The following ITGB7 variants were observed in gnomAD, a reference collection of about 807,000 sequenced individuals.
ITGB7 encodes integrin subunit beta 7.
A neutral mutation model predicts 83.4 loss-of-function variants in ITGB7; 55 were observed. The observed-to-expected ratio is 0.66, with a 90% CI of 0.53 to 0.83. The LOEUF (loss-of-function observed/expected upper bound fraction) is 0.83. ITGB7 is among the 40% of genes least tolerant of loss of function. The pLI, the probability that ITGB7 is intolerant of heterozygous loss-of-function variation, is 0.00. For missense variants in ITGB7, 921 were observed against 1,046.7 expected, an observed-to-expected ratio of 0.88 and a Z score of 1.66; for synonymous variants, 454 against 423.6, an observed-to-expected ratio of 1.07 and a Z score of -0.88.
At chr12:53,204,396 A>T (rs1942388044) in intron 1 of ITGB7, among the ~76,000 whole-genome samples, 1 of 152,020 alleles carries the variant, frequency 6.6e-6, no homozygotes. Context: ...AAAAAAAAAA[A>T]TGAAGTACTG....
chr12:53,193,354 AG>A lies in ITGB7; in HGVS notation c.1511del (p.Pro504LeufsTer4), dbSNP rs775798067. ...HLQCGVCSCA[P>X]GRLGRLCECS... ...ACTCACAGAGCCGACCTAGGCGGCC[AG>A]GGGCACAGCTGGAAGGGGAAGGCAA... is the stretch of plus-strand genomic sequence containing the variant. On this transcript the variant is annotated frameshift_variant, in exon 12 of 16. Transcript: ENST00000267082. LOFTEE classifies it high-confidence loss of function. The A allele has an allele frequency of 6.3e-7, 1 of 1,583,582 alleles. No individual in the cohort carries two copies. Among genetic ancestry groups the A allele is most frequent in the Non-Finnish European group, 8.6e-7 (1 of 1,160,842 alleles).
Position 53,192,891 on chromosome 12 carries a change from A to G in ITGB7, c.1746T>C (p.Cys582=). Residue 582 remains cysteine (C), a synonymous_variant, in exon 13 of 16, where the codon TGT becomes TGC. Transcript: ENST00000267082. The part of the protein sequence containing the change: ...ILCGGFGRCQ[C]GVCHCHANRT... ...GGTTGGCATGACAGTGACATACTCC[A>G]CATTGGCAGCGACCAAAGCCTGGGG... The G allele has an allele frequency of 6.2e-7, 1 of 1,614,078 alleles. No individual in the cohort carries two copies. Among genetic ancestry groups the G allele is most frequent in the Non-Finnish European group, 8.5e-7 (1 of 1,179,958 alleles).
At position 53,200,225 on chromosome 12, in the gene ITGB7, C is replaced by T. The variant is rs761866044; in HGVS notation, c.201+18G>A. The T allele has an allele frequency of 2.5e-6, 4 of 1,608,320 alleles. No individual in the cohort carries two copies. Among genetic ancestry groups the T allele is most frequent in the Admixed American group, 1.7e-5 (1 of 59,988 alleles). On this transcript the variant is annotated intron_variant, in intron 3 of 15. Coordinates refer to ENST00000267082, the MANE Select transcript of ITGB7 (RefSeq NM_000889.3). ...CATACACATACACATGGTTCAAAGA[C>T]CATAGGCCCATCTTTACCAGTTGCT...
chr12:53,203,848 A>G (rs1942375995), intron 1 of ITGB7, among the ~76,000 whole-genome samples: 1 of 152,066 alleles, frequency 6.6e-6, no homozygotes, highest in Admixed American at 6.6e-5. Context: ...GTGGAAAACA[A>G]TTTGGTTCCT....
In ITGB7 at chr12:53,200,156, A is replaced by G. The variant is rs942762462; in HGVS notation, c.201+87T>C. On this transcript the variant is annotated intron_variant, in intron 3 of 15. Coordinates refer to ENST00000267082, the MANE Select transcript of ITGB7 (RefSeq NM_000889.3). ...CAGAAAATCATACATGTGCCCACAC[A>G]ATCACACACATATATCCAGGCTGCA... The G allele has an allele frequency of 1.0e-5, 12 of 1,176,026 alleles. No individual in the cohort carries two copies. In the Middle Eastern group the frequency reaches 5.8e-4, roughly 57 times the overall value. 72.8% of individuals were successfully genotyped at this position (1,176,026 alleles called of 1,614,324 possible). A position where few individuals can be genotyped will look rare whatever the true frequency, so the allele number is the denominator to read the frequency against.
rs189661468 is a variant in ITGB7, at chr12:53,196,398, C to T, written c.816+181G>A. ...GCTAGTGGAGGCTTACTTGTGAATT[C>T]GAAAAACATGCCTCCTCCTCAAGAT... On this transcript the variant is annotated intron_variant, in intron 6 of 15. Transcript: ENST00000267082. 2.5e-4 allele frequency: 263 copies of T among 1,043,022 alleles called. 1 individual carries two copies. Among genetic ancestry groups the T allele is most frequent in the Admixed American group, 8.6e-5 (3 of 34,846 alleles). The allele number at this position is 1,043,022 out of a possible 1,614,324, so 64.6% of individuals were successfully genotyped here. A position where few individuals can be genotyped will look rare whatever the true frequency, so the allele number is the denominator to read the frequency against.
At chr12:53,196,500 CTG>C in intron 6 of ITGB7, 77 bp downstream of exon 6, 1 of 1,517,698 alleles carries the variant, frequency 6.6e-7, no homozygotes, top group Non-Finnish European at 8.9e-7. Context: ...CCCCCTAGAA[CTG>C]TGCACTACAC....
At position 53,195,642 on chromosome 12, in the gene ITGB7, G is replaced by A; in HGVS notation, c.1055C>T (p.Ala352Val). ...AGCTCTCACCTGGTAGACAGGCAGT[G>A]CGGCACTGGTGACAGCAAAGATGGG... is the stretch of plus-strand genomic sequence containing the variant. Reference protein sequence around the residue: ...IQPIFAVTSAALPVYQELSKL... With the variant: ...IQPIFAVTSAVLPVYQELSKL... The change falls in exon 8 of 16, where the codon GCA (alanine) becomes GTA (valine). Residue 352 changes from alanine (A) to valine (V), a missense_variant. By Grantham distance (64) the Ala-to-Val change is moderately conservative. Transcript: ENST00000267082. The A allele has an allele frequency of 6.2e-7, 1 of 1,613,980 alleles. No homozygotes were observed. The highest frequency in any genetic ancestry group is 8.5e-7 in the Non-Finnish European group (1 of 1,179,842).
intron 11 of ITGB7, 148 bp downstream of exon 11, chr12:53,193,559 AC>A: frequency 1.3e-6 from 1 of 789,954 alleles, no homozygotes; most frequent in East Asian, 2.7e-5. Context: ...GCCTGGACAT[AC>A]ATGGGAAGCT....
At position 53,196,717 on chromosome 12, in the gene ITGB7, T is replaced by A. The variant is rs756499085; in HGVS notation, c.678A>T (p.Pro226=). ...CPTRLERCQS[P]FSFHHVLSLT... is the part of the protein sequence containing the mutation. ...GGGACAGCACATGGTGAAAGCTGAA[T>A]GGTGACTGGCAGCGCTCCAGCCGGG... is the stretch of plus-strand genomic sequence containing the variant. The change falls in exon 6 of 16, where the codon CCA becomes CCT. Residue 226 remains proline (P), a synonymous_variant. Transcript: ENST00000267082. 4 of 1,613,076 alleles carry A rather than the reference T, an allele frequency of 2.5e-6. No individual in the cohort carries two copies. The African/African-American group carries it at 5.3e-5, about 22-fold the overall frequency.
At chr12:53,192,197 C>A in intron 14 of ITGB7, 133 bp downstream of exon 14, 1 of 1,212,978 alleles carries the variant, frequency 8.2e-7, no homozygotes. Flanking sequence ...TGCTCAATTG[C>A]CTCTGCCTTT....
intron 12 of ITGB7, 77 bp from the exon 13 acceptor site, chr12:53,192,987 C>T (rs376441197): frequency 3.2e-4 from 467 of 1,457,436 alleles, no homozygotes; most frequent in African/African-American, 3.8e-4. Context: ...GACAAGCCCA[C>T]GCATCCAATC....
intron 5 of ITGB7, chr12:53,197,177 G>A: frequency 1.8e-6 from 1 of 554,856 alleles, no homozygotes; most frequent in Non-Finnish European, 3.2e-6. Flanking sequence ...GTCTTGTCCA[G>A]GGAGACTTGC....
chr12:53,197,638 G>A lies in ITGB7; in HGVS notation c.429C>T (p.Arg143=), dbSNP rs1464080924. The change falls in exon 5 of 16, where the codon CGC becomes CGT. Residue 143 remains arginine, a synonymous_variant. Transcript: ENST00000267082. ...RPGEPQQLQV[R]FLRAEGYPVD... is the part of the protein sequence containing the mutation. Reference sequence around the variant, plus strand: ...CCGGGTATCCCTCAGCACGAAGGAAGCGGACCTGGAGCTGCTGGGGCTCCC... The same window carrying A: ...CCGGGTATCCCTCAGCACGAAGGAAACGGACCTGGAGCTGCTGGGGCTCCC... 1 of 1,614,096 alleles carries A rather than the reference G, an allele frequency of 6.2e-7. No individual in the cohort carries two copies. Among genetic ancestry groups the A allele is most frequent in the Admixed American group, 1.7e-5 (1 of 60,022 alleles).
chr12:53,197,181 G>A, intron 5 of ITGB7: 1 of 556,224 alleles, frequency 1.8e-6, no homozygotes, highest in Non-Finnish European at 3.2e-6. Flanking sequence ...TGTCCAGGGA[G>A]ACTTGCATCA....
At chr12:53,196,408 G>A (rs1592403440) in intron 6 of ITGB7, 171 bp downstream of exon 6, 3 of 1,051,808 alleles carry the variant, frequency 2.9e-6, no homozygotes, top group East Asian at 2.6e-5. Flanking sequence ...CGAAAAACAT[G>A]CCTCCTCCTC....
At position 53,195,358 on chromosome 12, in the gene ITGB7, TC is replaced by T. The variant is rs770505734; in HGVS notation, c.1161+15del. Reference sequence around the variant, plus strand: ...AGTGCCCACCCTCACCATCTCCCCTTCCCCTGGCCCCTCACATTATAAGCAT... The same window carrying T: ...AGTGCCCACCCTCACCATCTCCCCTTCCCTGGCCCCTCACATTATAAGCAT... On this transcript the variant is annotated intron_variant, in intron 9 of 15. Coordinates refer to ENST00000267082, the MANE Select transcript of ITGB7 (RefSeq NM_000889.3). 1.3e-6 allele frequency: 2 copies of T among 1,593,416 alleles called. No individual in the cohort carries two copies. Among genetic ancestry groups the T allele is most frequent in the Non-Finnish European group, 1.7e-6 (2 of 1,162,036 alleles).
intron 3 of ITGB7, 117 bp downstream of exon 3, chr12:53,200,125 TG>T: frequency 1.2e-6 from 1 of 852,584 alleles, no homozygotes; most frequent in Non-Finnish European, 1.9e-6. Context: ...GACTGTGGAG[TG>T]TTCCCAGAAA....
chr12:53,193,052 T>C, intron 12 of ITGB7, 88 bp downstream of exon 12: 10 of 1,403,250 alleles, frequency 7.1e-6, no homozygotes, highest in Non-Finnish European at 9.9e-6. Context: ...TCTTTTGATA[T>C]TTGCCTTCCA....
Sources: gnomAD v4.1 joint callset for allele counts (sites outside exome capture counted in the v4.1 genomes callset) on GRCh38, gnomAD v4.1.1 for gene constraint, MANE v1.5 for transcripts, NCBI Gene and HGNC (gene_info 2026-07-23, HGNC 2026-07-21) for gene names.